The following ATRX variants were observed in gnomAD, a reference collection of about 807,000 sequenced individuals.
The protein encoded by ATRX is ATRX chromatin remodeler, also known as chromatin remodeler ATRX.
Under a neutral mutation model 172.6 loss-of-function variants are expected in ATRX, and 12 were observed. The observed-to-expected ratio is 0.07, with a 90% CI of 0.04 to 0.11. The LOEUF (loss-of-function observed/expected upper bound fraction) is 0.11, where lower values mean the gene tolerates loss of function less well. Among genes scored for constraint, ATRX ranks in the 10% least tolerant of loss-of-function variants. ATRX has a pLI of 1.00. For synonymous variants in ATRX, 674 were observed against 594.7 expected (o/e 1.13, Z -1.94); for missense variants, 1,368 against 1,767.4 (o/e 0.77, Z 4.05).
intron 19 of ATRX, among the ~76,000 whole-genome samples, chrX:77,627,822 T>C (rs1407005214): frequency 9.1e-6 from 1 of 110,341 alleles, no homozygotes; most frequent in Non-Finnish European, 1.9e-5. Flanking sequence ...GCTATAATCA[T>C]GCTACTGCAC....
intron 27 of ATRX, among the ~76,000 whole-genome samples, chrX:77,579,637 T>TA (rs782361105): frequency 1.8e-5 from 2 of 111,943 alleles, no homozygotes; most frequent in South Asian, 7.5e-4. Flanking sequence ...ACTAAAAAGT[T>TA]AGATCACAAC....
intron 27 of ATRX, among the ~76,000 whole-genome samples, chrX:77,587,161 T>G (rs782514011): frequency 9.0e-6 from 1 of 111,443 alleles, no homozygotes; most frequent in African/African-American, 3.3e-5. Context: ...ATATGCAAGA[T>G]ATAATAATAC....
Position 77,725,164 on chromosome X carries a change from A to G in ATRX, c.21-7921T>C, listed in dbSNP as rs782417530. ...CAGAGTGGTTAAACCGCATTGCCAC[A>G]ACAATCCTAAGCAAAAAGAACAAAG... On this transcript the variant is annotated intron_variant, in intron 1 of 34. Coordinates refer to ENST00000373344, the MANE Select transcript of ATRX (RefSeq NM_000489.6). Among the ~76,000 whole-genome samples the G allele has an allele frequency of 9.0e-5, 10 of 111,572 alleles. No homozygotes were observed. The East Asian group carries it at 2.8e-3, about 31-fold the overall frequency.
intron 30 of ATRX, among the ~76,000 whole-genome samples, chrX:77,536,969 G>A (rs2063769640): frequency 8.9e-6 from 1 of 112,073 alleles, no homozygotes; most frequent in Non-Finnish European, 1.9e-5. Flanking sequence ...TCTCTGCAAC[G>A]ATGGAAATGT....
rs782013671 is a variant in ATRX at position 77,607,658 on chromosome X, A to G, written c.5567-7094T>C. On this transcript the variant is annotated intron_variant, in intron 22 of 34. Coordinates refer to ENST00000373344, the MANE Select transcript of ATRX (RefSeq NM_000489.6). ...AAACCAGGAGGTGGAGGTTGCAGAG[A>G]GCCAAGATCGCACCACTGCACCCCA... Among the ~76,000 whole-genome samples, 588 of 101,054 alleles carry G rather than the reference A, an allele frequency of 5.8e-3. 3 individuals carry two copies. The highest frequency in any genetic ancestry group is 9.6e-3 in the Non-Finnish European group (479 of 50,137). 87.8% of individuals were successfully genotyped at this position (101,054 alleles called of 115,157 possible). A position where few individuals can be genotyped will look rare whatever the true frequency, so the allele number is the denominator to read the frequency against.
chrX:77,549,124 C>T (rs2064359749), intron 30 of ATRX, among the ~76,000 whole-genome samples: 1 of 111,953 alleles, frequency 8.9e-6, no homozygotes, highest in South Asian at 3.7e-4. Context: ...GTGACTCATG[C>T]CTGTAATCCC....
chrX:77,740,039 G>A (rs1276411429), intron 1 of ATRX, among the ~76,000 whole-genome samples: 1 of 48,829 alleles, frequency 2.0e-5, no homozygotes, highest in East Asian at 7.0e-4. Flanking sequence ...GGGAAGAAGC[G>A]CAAAACTCCA....
At chrX:77,720,347 G>T (rs1463312317) in intron 1 of ATRX, among the ~76,000 whole-genome samples, 1 of 111,813 alleles carries the variant, frequency 8.9e-6, no homozygotes, top group Non-Finnish European at 1.9e-5. Flanking sequence ...AACTCAAAGA[G>T]ATAGAGACAG....
At chrX:77,763,458 CTTTTT>C (rs1292561868) in intron 1 of ATRX, among the ~76,000 whole-genome samples, 1 of 78,081 alleles carries the variant, frequency 1.3e-5, no homozygotes, top group African/African-American at 5.4e-5. Context: ...ATACTATTTT[CTTTTT>C]TCTTTTTTTT....
At chrX:77,679,593 G>A (rs781960655) in intron 9 of ATRX, among the ~76,000 whole-genome samples, 10 of 111,575 alleles carry the variant, frequency 9.0e-5, no homozygotes, top group Non-Finnish European at 1.5e-4. Context: ...AACATGAGAG[G>A]TGCATAACAG....
intron 25 of ATRX, among the ~76,000 whole-genome samples, chrX:77,597,324 T>C (rs1355050162): frequency 1.8e-5 from 2 of 110,355 alleles, no homozygotes; most frequent in Middle Eastern, 4.6e-3. Context: ...GAAATGTTTA[T>C]AAAGAAATCA....
intron 26 of ATRX, among the ~76,000 whole-genome samples, chrX:77,590,376 C>A (rs782682007): frequency 9.1e-6 from 1 of 110,175 alleles, no homozygotes; most frequent in African/African-American, 3.3e-5. Flanking sequence ...TTTGGGAGAC[C>A]GAGACGGGTG....
chrX:77,587,103 A>G lies in ATRX; in HGVS notation c.6217+2731T>C, dbSNP rs1247691096. ...TTAGAGAAAGCAATCAAATGATTAA[A>G]TAAGTTATGTACAGCCATATGACAG... On this transcript the variant is annotated intron_variant, in intron 27 of 34. Transcript: ENST00000373344. Among the ~76,000 whole-genome samples the G allele has an allele frequency of 3.6e-5, 4 of 111,355 alleles. No individual in the cohort carries two copies. The Admixed American group carries it at 3.8e-4, about 11-fold the overall frequency.
intron 19 of ATRX, among the ~76,000 whole-genome samples, chrX:77,622,543 C>G (rs956167086): frequency 9.0e-6 from 1 of 111,467 alleles, no homozygotes; most frequent in African/African-American, 3.3e-5. Flanking sequence ...GGATGGCCAT[C>G]AGAGCAGAGG....
At chrX:77,781,124 T>C (rs2076552719) in intron 1 of ATRX, among the ~76,000 whole-genome samples, 1 of 110,699 alleles carries the variant, frequency 9.0e-6, no homozygotes, top group Non-Finnish European at 1.9e-5. Flanking sequence ...TCAAACCATT[T>C]AGTCGCAGCA....
At chrX:77,634,906 C>T (rs981637424) in intron 16 of ATRX, among the ~76,000 whole-genome samples, 2 of 111,803 alleles carry the variant, frequency 1.8e-5, no homozygotes, top group African/African-American at 6.5e-5. Flanking sequence ...AACAGGGGGA[C>T]TTTCCTTCAT....
intron 25 of ATRX, chrX:77,594,104 T>A: frequency 3.3e-6 from 1 of 304,778 alleles, no homozygotes; most frequent in South Asian, 6.6e-5. Flanking sequence ...AGCAAGAGAT[T>A]GACTCTGAGA....
chrX:77,550,602 G>A (rs1192709772), intron 30 of ATRX, among the ~76,000 whole-genome samples: 3 of 111,351 alleles, frequency 2.7e-5, no homozygotes, highest in Non-Finnish European at 5.6e-5. Flanking sequence ...CATAGTGTTG[G>A]AAGTTCTGGC....
At chrX:77,624,137 G>A (rs190880157) in intron 19 of ATRX, among the ~76,000 whole-genome samples, 7 of 111,429 alleles carry the variant, frequency 6.3e-5, no homozygotes, top group Non-Finnish European at 9.4e-5. Flanking sequence ...GAGGCTGAGC[G>A]GGCAGATCAC....
Sources: allele counts gnomAD v4.1 joint callset (sites outside exome capture counted in the v4.1 genomes callset), GRCh38; gene constraint gnomAD v4.1.1; transcripts MANE v1.5; gene names NCBI Gene and HGNC (gene_info 2026-07-23, HGNC 2026-07-21).